The following PCDH15 variants were observed in gnomAD, a reference collection of about 807,000 sequenced individuals.
The protein encoded by PCDH15 is protocadherin-15.
In PCDH15, 129 loss-of-function variants were observed where a neutral mutation model predicts 178.5. That is an observed-to-expected ratio of 0.72 (90% CI 0.63 to 0.84). The LOEUF is 0.84. Among genes scored for constraint, PCDH15 ranks in the 40% least tolerant of loss-of-function variants. PCDH15 has a pLI of 0.00. For synonymous variants in PCDH15, 800 were observed against 732.0 expected, an observed-to-expected ratio of 1.09 and a Z score of -1.50; for missense variants, 2,230 against 2,099.9, an observed-to-expected ratio of 1.06 and a Z score of -1.21.
intron 9 of PCDH15, among the ~76,000 whole-genome samples, chr10:54,235,597 C>T (rs916626441): frequency 6.6e-6 from 1 of 152,164 alleles, no homozygotes; most frequent in African/African-American, 2.4e-5. Flanking sequence ...ATGCTCTCCT[C>T]TCATGAGCCT....
chr10:54,790,624 G>T (rs1314111858), intron 1 of PCDH15, among the ~76,000 whole-genome samples: 1 of 151,624 alleles, frequency 6.6e-6, no homozygotes, highest in East Asian at 1.9e-4. Flanking sequence ...CATTCCCCTG[G>T]CCCCAAGGTC....
intron 13 of PCDH15, among the ~76,000 whole-genome samples, chr10:54,174,191 A>G (rs541612823): frequency 6.6e-6 from 1 of 152,226 alleles, no homozygotes; most frequent in Admixed American, 6.5e-5. Context: ...AATAATACTC[A>G]TAGAAGGACA....
At chr10:55,503,730 C>T (rs1457328416) in intron 2 of PCDH15, among the ~76,000 whole-genome samples, 1 of 151,350 alleles carries the variant, frequency 6.6e-6, no homozygotes, top group Non-Finnish European at 1.5e-5. Context: ...GAAACCACCA[C>T]ACACTTATGA....
intron 8 of PCDH15, among the ~76,000 whole-genome samples, chr10:54,314,540 G>C (rs1467897953): frequency 6.6e-6 from 1 of 151,994 alleles, no homozygotes; most frequent in Non-Finnish European, 1.5e-5. Flanking sequence ...TTTAAAAAAA[G>C]AGTTATATTT....
chr10:54,683,564 C>T (rs552172136), intron 1 of PCDH15, among the ~76,000 whole-genome samples: 1 of 152,150 alleles, frequency 6.6e-6, no homozygotes, highest in East Asian at 1.9e-4. Context: ...ACCTTAAATA[C>T]ATGTTTTATT....
At chr10:54,439,634 C>T (rs1589419454) in intron 3 of PCDH15, among the ~76,000 whole-genome samples, 1 of 152,092 alleles carries the variant, frequency 6.6e-6, no homozygotes, top group Admixed American at 6.6e-5. Context: ...TTTATGGATG[C>T]TGTAGCTGTT....
At chr10:55,498,985 G>C (rs1469770420) in intron 2 of PCDH15, among the ~76,000 whole-genome samples, 2 of 151,892 alleles carry the variant, frequency 1.3e-5, no homozygotes, top group African/African-American at 4.8e-5. Flanking sequence ...GAAAAATTAT[G>C]TCTAGTTGAC....
At chr10:54,020,539 T>C in intron 19 of PCDH15, 123 bp from the exon 20 acceptor site, 1 of 931,460 alleles carries the variant, frequency 1.1e-6, no homozygotes, top group Non-Finnish European at 1.7e-6. Context: ...AAAGACACGT[T>C]TTTTGTTTTT....
intron 29 of PCDH15, among the ~76,000 whole-genome samples, chr10:53,832,822 C>A (rs1315051387): frequency 1.3e-5 from 2 of 151,960 alleles, no homozygotes; most frequent in Admixed American, 1.3e-4. Context: ...ATCCCGTTAA[C>A]ACACTGTTCA....
At chr10:54,824,162 C>G (rs1953089854) in intron 3 of PCDH15, among the ~76,000 whole-genome samples, 1 of 152,066 alleles carries the variant, frequency 6.6e-6, no homozygotes, top group Non-Finnish European at 1.5e-5. Flanking sequence ...CTTTAGCTCT[C>G]TCACTACCTG....
intron 2 of PCDH15, among the ~76,000 whole-genome samples, chr10:54,652,666 G>A (rs1200568716): frequency 6.6e-6 from 1 of 152,140 alleles, no homozygotes; most frequent in Non-Finnish European, 1.5e-5. Flanking sequence ...GACATCACGG[G>A]TGTGCCTGTA....
At chr10:55,536,206 T>A (rs764784845) in intron 2 of PCDH15, among the ~76,000 whole-genome samples, 1 of 152,142 alleles carries the variant, frequency 6.6e-6, no homozygotes, top group Non-Finnish European at 1.5e-5. Flanking sequence ...GATATGAAAC[T>A]GATATGTGCC....
At chr10:54,038,348 A>G (rs1174896577) in intron 18 of PCDH15, among the ~76,000 whole-genome samples, 1 of 151,810 alleles carries the variant, frequency 6.6e-6, no homozygotes, top group Admixed American at 6.6e-5. Context: ...CAAGCAGACA[A>G]TGAGGCAGAG....
intron 2 of PCDH15, among the ~76,000 whole-genome samples, chr10:55,495,039 C>A (rs1457230150): frequency 6.6e-6 from 1 of 151,564 alleles, no homozygotes; most frequent in Non-Finnish European, 1.5e-5. Context: ...GCTAGTACAA[C>A]CGGATATGCA....
chr10:54,355,906 AGAG>A (rs907679744), intron 5 of PCDH15, among the ~76,000 whole-genome samples: 1 of 152,072 alleles, frequency 6.6e-6, no homozygotes, highest in Non-Finnish European at 1.5e-5. Context: ...CAAGGAGCAA[AGAG>A]AAGAAGAAAT....
chr10:54,700,910 G>A (rs529870055), intron 1 of PCDH15, among the ~76,000 whole-genome samples: 19 of 152,086 alleles, frequency 1.2e-4, no homozygotes, highest in African/African-American at 3.6e-4. Context: ...AAATGTAGCC[G>A]GAAGATTCTC....
At chr10:54,852,498 T>C (rs535983893) in intron 3 of PCDH15, among the ~76,000 whole-genome samples, 6 of 152,298 alleles carry the variant, frequency 3.9e-5, no homozygotes, top group Non-Finnish European at 7.3e-5. Flanking sequence ...ATCTGAGCTT[T>C]CTGCCAAAAG....
At chr10:54,089,875 A>T in intron 16 of PCDH15, 109 bp downstream of exon 16, 1 of 809,306 alleles carries the variant, frequency 1.2e-6, no homozygotes. Flanking sequence ...GAAAACAGAA[A>T]GGGAAGTACA....
At chr10:54,250,267 CTTTTTTTTTTTTTTT>C (rs765895227) in intron 8 of PCDH15, among the ~76,000 whole-genome samples, 1 of 84,044 alleles carries the variant, frequency 1.2e-5, no homozygotes, top group Non-Finnish European at 2.2e-5. Flanking sequence ...TATGCTATTA[CTTTTTTTTTTTTTTT>C]TTTTTTTTTG....
Sources: allele counts gnomAD v4.1 joint callset (sites outside exome capture counted in the v4.1 genomes callset), GRCh38; gene constraint gnomAD v4.1.1; transcripts MANE v1.5; gene names NCBI Gene and HGNC (gene_info 2026-07-23, HGNC 2026-07-21).